Variants in TRPM3 observed in about 807,000 individuals in gnomAD.
The protein encoded by TRPM3 is transient receptor potential cation channel subfamily M member 3, also known as long transient receptor potential channel 3.
In TRPM3, 77 loss-of-function variants were observed where a neutral mutation model predicts 181.2. The observed-to-expected ratio is 0.42, with a 90% CI of 0.35 to 0.51. TRPM3 has a LOEUF of 0.51. TRPM3 is among the 20% of genes least tolerant of loss of function. The probability of loss-of-function intolerance (pLI) is 0.01; values close to 1 mark genes in which losing one functional copy is unlikely to be tolerated. For missense variants in TRPM3, 1,759 were observed against 2,196.7 expected, an observed-to-expected ratio of 0.80 and a Z score of 3.98; for synonymous variants, 745 against 796.4, an observed-to-expected ratio of 0.94 and a Z score of 1.09.
At chr9:71,012,518 C>A (rs1015646223) in intron 1 of TRPM3, among the ~76,000 whole-genome samples, 1 of 151,538 alleles carries the variant, frequency 6.6e-6, no homozygotes, top group Non-Finnish European at 1.5e-5. Flanking sequence ...TTACAGCCAA[C>A]TTGTTTACGT....
chr9:70,628,308 C>T (rs1038675356), intron 12 of TRPM3, among the ~76,000 whole-genome samples: 10 of 152,182 alleles, frequency 6.6e-5, no homozygotes, highest in African/African-American at 2.4e-4. Context: ...ACACCAGTTT[C>T]CAGTCAGCTG....
chr9:71,367,992 G>GCACACACACATGTGAGTGTATGTGTA (rs1348640369), intron 1 of TRPM3, among the ~76,000 whole-genome samples: 2 of 111,002 alleles, frequency 1.8e-5, no homozygotes, highest in Admixed American at 9.5e-5. Flanking sequence ...ACATATATGT[G>GCACACACACATGTGAGTGTATGTGTA]CACACACACA....
chr9:70,941,895 T>C (rs2096889345), intron 1 of TRPM3, among the ~76,000 whole-genome samples: 1 of 152,038 alleles, frequency 6.6e-6, no homozygotes, highest in Non-Finnish European at 1.5e-5. Flanking sequence ...GTAGTTCCCA[T>C]CCCCAAATCT....
chr9:70,954,567 C>T (rs1045390315), intron 1 of TRPM3, among the ~76,000 whole-genome samples: 2 of 151,918 alleles, frequency 1.3e-5, no homozygotes, highest in African/African-American at 4.8e-5. Context: ...AAGCTCTTAT[C>T]GATAGTGCAA....
rs552890653 is a variant in TRPM3, at chr9:71,270,470, C to T, written c.183+176183G>A. ...TGCTCACTGGACTCATCCTATATAA[C>T]CCTCCTGCTTATTCAGCCTAAACTT... On this transcript the variant is annotated intron_variant, in intron 1 of 24. Transcript: ENST00000357533. Among the ~76,000 whole-genome samples, 8 of 152,328 alleles carry T rather than the reference C, an allele frequency of 5.3e-5. No homozygotes were observed. In the East Asian group the frequency reaches 1.5e-3, roughly 29 times the overall value.
At chr9:71,171,060 TC>T (rs1420079842) in intron 1 of TRPM3, among the ~76,000 whole-genome samples, 9 of 152,108 alleles carry the variant, frequency 5.9e-5, no homozygotes, top group African/African-American at 2.2e-4. Context: ...TCTCTTATGG[TC>T]GAGACTGCAG....
chr9:70,802,809 A>G (rs1265300392), intron 6 of TRPM3, among the ~76,000 whole-genome samples: 1 of 152,154 alleles, frequency 6.6e-6, no homozygotes, highest in Non-Finnish European at 1.5e-5. Context: ...TTGCCTAGCT[A>G]TATATTTAGT....
At chr9:70,791,024 G>C (rs929241975) in intron 6 of TRPM3, among the ~76,000 whole-genome samples, 7 of 152,296 alleles carry the variant, frequency 4.6e-5, no homozygotes, top group African/African-American at 1.4e-4. Context: ...TAACTAGAAT[G>C]TCTCTTAGGT....
chr9:70,884,511 G>T (rs924899512), intron 1 of TRPM3, among the ~76,000 whole-genome samples: 3 of 152,210 alleles, frequency 2.0e-5, no homozygotes, highest in Non-Finnish European at 4.4e-5. Context: ...GTGTGCGTGT[G>T]TGTGTGGCAT....
intron 7 of TRPM3, chr9:70,775,141 T>C (rs2130673479): frequency 6.6e-6 from 1 of 152,320 alleles, no homozygotes; most frequent in Non-Finnish European, 1.5e-5. Context: ...CTAGCAGCTG[T>C]AGATCCTAAT....
At chr9:70,964,990 A>C (rs2097171911) in intron 1 of TRPM3, among the ~76,000 whole-genome samples, 1 of 151,978 alleles carries the variant, frequency 6.6e-6, no homozygotes, top group Non-Finnish European at 1.5e-5. Context: ...ACAGAATCTC[A>C]TTGTTATCTA....
intron 22 of TRPM3, among the ~76,000 whole-genome samples, chr9:70,560,381 C>T (rs1370495740): frequency 2.0e-5 from 3 of 152,348 alleles, no homozygotes; most frequent in East Asian, 3.9e-4. Flanking sequence ...TCTGCTCTAC[C>T]TCACATGGCC....
intron 9 of TRPM3, among the ~76,000 whole-genome samples, chr9:70,680,582 C>T (rs897502520): frequency 1.2e-4 from 18 of 152,170 alleles, no homozygotes; most frequent in African/African-American, 4.3e-4. Context: ...ATTCTCTGCC[C>T]TATCTAGGGA....
intron 8 of TRPM3, among the ~76,000 whole-genome samples, chr9:70,686,686 T>TTTCTTTCC (rs1554668987): frequency 1.7e-5 from 1 of 58,826 alleles, no homozygotes; most frequent in Admixed American, 1.9e-4. Flanking sequence ...TCCTTCCTTC[T>TTTCTTTCC]TTCCTTCCTT....
intron 1 of TRPM3, among the ~76,000 whole-genome samples, chr9:70,952,224 A>G (rs13284434): frequency 0.19 from 28,612 of 152,174 alleles, 2,793 homozygotes; most frequent in East Asian, 0.29. Flanking sequence ...TTACAGCCTG[A>G]TTCCATAGCC....
At chr9:71,433,376 C>T (rs1025942913) in intron 1 of TRPM3, among the ~76,000 whole-genome samples, 3 of 152,154 alleles carry the variant, frequency 2.0e-5, no homozygotes, top group Admixed American at 6.5e-5. Flanking sequence ...TTTCCTCCTT[C>T]GTTTGGCATG....
chr9:71,439,706 GAAGAA>G (rs1034243820), intron 1 of TRPM3, among the ~76,000 whole-genome samples: 1 of 152,168 alleles, frequency 6.6e-6, no homozygotes, highest in Non-Finnish European at 1.5e-5. Context: ...AAAAAAATAT[GAAGAA>G]AAGATGGCAA....
chr9:71,127,655 A>C (rs1410924569), intron 1 of TRPM3, among the ~76,000 whole-genome samples: 2 of 152,240 alleles, frequency 1.3e-5, no homozygotes, highest in African/African-American at 2.4e-5. Context: ...TAACATAGAG[A>C]AAAACATATT....
chr9:70,904,133 G>T (rs892353367), intron 1 of TRPM3, among the ~76,000 whole-genome samples: 1 of 152,070 alleles, frequency 6.6e-6, no homozygotes, highest in Admixed American at 6.5e-5. Context: ...GAGGTGAGAG[G>T]ATCACCTGAG....
Sources: allele counts gnomAD v4.1 joint callset (sites outside exome capture counted in the v4.1 genomes callset), GRCh38; gene constraint gnomAD v4.1.1; transcripts MANE v1.5; gene names NCBI Gene and HGNC (gene_info 2026-07-23, HGNC 2026-07-21).